The following CNOT10 variants were observed in gnomAD, a reference collection of about 807,000 sequenced individuals.
CNOT10 encodes CCR4-NOT transcription complex, subunit 10.
A neutral mutation model predicts 94.6 loss-of-function variants in CNOT10; 30 were observed. The observed-to-expected ratio is 0.32, with a 90% CI of 0.24 to 0.43. The LOEUF (loss-of-function observed/expected upper bound fraction) is 0.43. CNOT10 is among the 20% of genes least tolerant of loss of function. CNOT10 has a pLI of 1.00. For missense variants in CNOT10, 759 were observed against 877.2 expected, an observed-to-expected ratio of 0.87 and a Z score of 1.70; for synonymous variants, 289 against 301.6, an observed-to-expected ratio of 0.96 and a Z score of 0.43.
chr3:32,773,811 G>A lies in CNOT10; in HGVS notation c.*200G>A. On this transcript the variant is annotated 3_prime_UTR_variant, in exon 19 of 19. Transcript: ENST00000328834. ...CAGCTGTTTTTCTTAATTTCAGCCAGACTATTAATTTTGAGCCATTATGTA... is the reference window on the plus strand; with the variant it reads ...CAGCTGTTTTTCTTAATTTCAGCCAAACTATTAATTTTGAGCCATTATGTA... The A allele has an allele frequency of 1.9e-6, 1 of 514,034 alleles. No individual in the cohort carries two copies. The highest frequency in any genetic ancestry group is 3.3e-6 in the Non-Finnish European group (1 of 300,420). 31.8% of individuals were successfully genotyped at this position (514,034 alleles called of 1,614,324 possible).
At chr3:32,753,788 T>C (rs1400111043) in intron 13 of CNOT10, 3 of 1,599,072 alleles carry the variant, frequency 1.9e-6, no homozygotes, top group Non-Finnish European at 1.7e-6. Flanking sequence ...AAATGTGCCA[T>C]GAACAGATCC....
At chr3:32,753,410 T>A in intron 13 of CNOT10, 1 of 1,474,396 alleles carries the variant, frequency 6.8e-7, no homozygotes, top group Non-Finnish European at 9.5e-7. Context: ...AATGTGGAAT[T>A]TTCAGAAAAG....
chr3:32,748,100 T>G (rs1278879992), intron 13 of CNOT10, among the ~76,000 whole-genome samples: 1 of 152,216 alleles, frequency 6.6e-6, no homozygotes, highest in Non-Finnish European at 1.5e-5. Context: ...TGAAGCAGTC[T>G]TCCCACCTTG....
intron 1 of CNOT10, among the ~76,000 whole-genome samples, chr3:32,699,011 C>T (rs1697209394): frequency 6.6e-6 from 1 of 152,258 alleles, no homozygotes; most frequent in South Asian, 2.1e-4. Context: ...GTCTTGAACT[C>T]CTGGGCTCAA....
intron 10 of CNOT10, among the ~76,000 whole-genome samples, chr3:32,733,070 T>C (rs771463280): frequency 6.6e-6 from 1 of 152,166 alleles, no homozygotes; most frequent in South Asian, 2.1e-4. Flanking sequence ...TTGGGCTCTC[T>C]TATTTTCCTT....
At chr3:32,721,854 G>T (rs899519559) in intron 8 of CNOT10, among the ~76,000 whole-genome samples, 1 of 150,260 alleles carries the variant, frequency 6.7e-6, no homozygotes, top group East Asian at 2.0e-4. Context: ...GGGTTTCACC[G>T]TGTTAGCCAG....
In CNOT10 at chr3:32,717,241, A is replaced by C. The variant is rs1463578740; in HGVS notation, c.744+4A>C. On this transcript the variant is annotated splice_donor_region_variant and intron_variant, in intron 7 of 18. Coordinates refer to ENST00000328834, the MANE Select transcript of CNOT10 (RefSeq NM_015442.3). ...AGTCATGAATACAGCTGGAAATGTA[A>C]GTTTCTTCTGGACTTTTGTTTTTCA... The C allele has an allele frequency of 5.1e-6, 8 of 1,581,466 alleles. No homozygotes were observed. The Admixed American group carries it at 1.2e-4, about 24-fold the overall frequency.
chr3:32,769,849 T>C, intron 17 of CNOT10, 38 bp from the exon 18 acceptor site: 1 of 1,549,462 alleles, frequency 6.5e-7, no homozygotes, highest in Non-Finnish European at 8.9e-7. Flanking sequence ...ATCTTAAGCT[T>C]TTGTTTTTTC....
chr3:32,737,521 C>G, intron 13 of CNOT10, 31 bp downstream of exon 13: 1 of 1,369,924 alleles, frequency 7.3e-7, no homozygotes, highest in Non-Finnish European at 1.0e-6. Context: ...AGCATTGCAT[C>G]TATTGAAATG....
At chr3:32,713,848 C>T (rs1341985941) in intron 5 of CNOT10, among the ~76,000 whole-genome samples, 2 of 152,152 alleles carry the variant, frequency 1.3e-5, no homozygotes, top group African/African-American at 2.4e-5. Flanking sequence ...TACTTCATGC[C>T]TTTTGTGGCT....
intron 1 of CNOT10, among the ~76,000 whole-genome samples, chr3:32,696,716 A>G (rs1697087089): frequency 6.6e-6 from 1 of 151,878 alleles, no homozygotes; most frequent in South Asian, 2.1e-4. Context: ...CTCCCTCCTC[A>G]GCCTCCCAAG....
At chr3:32,711,450 CTT>C (rs895807977) in intron 4 of CNOT10, among the ~76,000 whole-genome samples, 8 of 150,162 alleles carry the variant, frequency 5.3e-5, no homozygotes, top group African/African-American at 1.7e-4. Context: ...GATGCAACAA[CTT>C]TTTTTTTTCT....
chr3:32,771,096 G>T (rs1700884165), intron 18 of CNOT10, among the ~76,000 whole-genome samples: 1 of 149,806 alleles, frequency 6.7e-6, no homozygotes, highest in Non-Finnish European at 1.5e-5. Flanking sequence ...GGAGGCTGAG[G>T]TGGGCTGATC....
chr3:32,725,742 T>A (rs1443128113), intron 9 of CNOT10, 143 bp downstream of exon 9: 1 of 657,582 alleles, frequency 1.5e-6, no homozygotes, highest in Non-Finnish European at 2.4e-6. Flanking sequence ...GCTCTGGGGA[T>A]TTTTAGTAGA....
In CNOT10 at chr3:32,725,500, G is replaced by T; in HGVS notation, c.913G>T (p.Ala305Ser). The change falls in exon 9 of 19, where the codon GCC becomes TCC. Residue 305 changes from alanine to serine, a missense_variant. Ala to Ser is a moderately conservative substitution (Grantham distance 99). This residue lies in a region of CNOT10 where 682 missense variants were observed against 799.4 expected (regional missense o/e 0.85). Coordinates refer to ENST00000328834, the MANE Select transcript of CNOT10 (RefSeq NM_015442.3). ...GAATAACCTTGGTTGCATCCATTTT[G>T]CCATGAGCAAGCACAATTTGGGAAT... is the stretch of plus-strand genomic sequence containing the variant. ...FWNNLGCIHFAMSKHNLGIFY... is the reference protein window; with the variant it reads ...FWNNLGCIHFSMSKHNLGIFY... 6.2e-7 allele frequency: 1 copy of T among 1,613,918 alleles called. No homozygotes were observed. The highest frequency in any genetic ancestry group is 8.5e-7 in the Non-Finnish European group (1 of 1,179,834).
At chr3:32,762,596 T>G (rs1035910144) in intron 14 of CNOT10, 137 bp from the exon 15 acceptor site, 11 of 911,258 alleles carry the variant, frequency 1.2e-5, no homozygotes, top group Non-Finnish European at 1.7e-5. Flanking sequence ...CCTAAATAAA[T>G]TTAGATTTCA....
rs1415191433 is a variant in CNOT10, at chr3:32,754,485, A to ATATAT, written c.1596-4973_1596-4972insTATAT. 4.4e-3 allele frequency among the ~76,000 whole-genome samples: 211 copies of ATATAT among 48,372 alleles called. 4 individuals are homozygous for ATATAT. Among genetic ancestry groups the ATATAT allele is most frequent in the Admixed American group, 8.0e-3 (25 of 3,108 alleles). The allele number at this position is 48,372 out of a possible 152,430, so 31.7% of individuals were successfully genotyped here. ...GAGCAAGACTCCGTCTCAAAAAAAA[A>ATATAT]AAAAATACATATATATATATATATT... On this transcript the variant is annotated intron_variant, in intron 13 of 18. Transcript: ENST00000328834.
chr3:32,753,332 G>A, intron 13 of CNOT10: 1 of 1,139,200 alleles, frequency 8.8e-7, no homozygotes, highest in Non-Finnish European at 1.3e-6. Flanking sequence ...AATCAGGTAT[G>A]ACTGGTATCA....
At chr3:32,731,212 A>G (rs143702512) in intron 10 of CNOT10, among the ~76,000 whole-genome samples, 9 of 152,338 alleles carry the variant, frequency 5.9e-5, no homozygotes, top group African/African-American at 2.2e-4. Context: ...TGATCAGAGA[A>G]GTTTTATTGT....
Sources: allele counts gnomAD v4.1 joint callset (sites outside exome capture counted in the v4.1 genomes callset), GRCh38; gene constraint gnomAD v4.1.1; regional missense constraint gnomAD v4.1.1; transcripts MANE v1.5; gene names NCBI Gene and HGNC (gene_info 2026-07-23, HGNC 2026-07-21).